Variants in OSBPL8 observed in about 807,000 individuals in gnomAD.
OSBPL8 encodes the protein oxysterol-binding protein-related protein 8.
A neutral mutation model predicts 125.5 loss-of-function variants in OSBPL8; 59 were observed. The ratio of observed to expected loss-of-function variants is 0.47; its 90% CI spans 0.38 to 0.58. The LOEUF is 0.58. OSBPL8 is among the 20% of genes least tolerant of loss of function. The pLI, the probability that OSBPL8 is intolerant of heterozygous loss-of-function variation, is 0.00. For synonymous variants in OSBPL8, 330 were observed against 338.9 expected, an observed-to-expected ratio of 0.97 and a Z score of 0.29; for missense variants, 758 against 1,047.8, an observed-to-expected ratio of 0.72 and a Z score of 3.82.
chr12:76,512,188 T>C (rs906268272), intron 1 of OSBPL8, among the ~76,000 whole-genome samples: 12 of 152,222 alleles, frequency 7.9e-5, no homozygotes, highest in African/African-American at 2.4e-4. Flanking sequence ...CAAGTTCTTA[T>C]CCTTTAACTC....
intron 5 of OSBPL8, 152 bp downstream of exon 5, chr12:76,410,412 A>G (rs1954466128): frequency 1.8e-6 from 1 of 547,282 alleles, no homozygotes; most frequent in Admixed American, 3.3e-5. Flanking sequence ...TATTAGCCCC[A>G]ATGGAACTTC....
At chr12:76,365,772 T>C (rs1299202038) in intron 21 of OSBPL8, among the ~76,000 whole-genome samples, 2 of 152,200 alleles carry the variant, frequency 1.3e-5, no homozygotes, top group Non-Finnish European at 2.9e-5. Context: ...TCTCTTCTCT[T>C]CCTAGATTTA....
chr12:76,469,530 C>T (rs1446149176), intron 2 of OSBPL8, among the ~76,000 whole-genome samples: 2 of 152,176 alleles, frequency 1.3e-5, no homozygotes, highest in African/African-American at 4.8e-5. Context: ...CAACCCCAAA[C>T]GCTTACAGAC....
At chr12:76,543,824 C>T (rs1230151144) in intron 1 of OSBPL8, among the ~76,000 whole-genome samples, 3 of 152,140 alleles carry the variant, frequency 2.0e-5, no homozygotes, top group African/African-American at 7.2e-5. Flanking sequence ...AGAGTATACT[C>T]TGACAGGGTA....
chr12:76,466,711 C>A lies in OSBPL8; in HGVS notation c.43-6816G>T, dbSNP rs557180070. On this transcript the variant is annotated intron_variant, in intron 2 of 23. Transcript: ENST00000261183. ...CGGTGGCTCATGCCTGTAATCCCAG[C>A]ACTTTAGGAGGCCGAAGCGGGTGGA... 2.0e-5 allele frequency among the ~76,000 whole-genome samples: 3 copies of A among 152,218 alleles called. No individual in the cohort carries two copies. The East Asian group carries it at 5.8e-4, about 29-fold the overall frequency.
chr12:76,392,891 T>TC, intron 9 of OSBPL8, 139 bp from the exon 10 acceptor site: 1 of 839,572 alleles, frequency 1.2e-6, no homozygotes. Flanking sequence ...CTTGCTAGAA[T>TC]TTAATGAAAT....
At chr12:76,556,764 T>C (rs1000876762) in intron 1 of OSBPL8, among the ~76,000 whole-genome samples, 1 of 152,134 alleles carries the variant, frequency 6.6e-6, no homozygotes, top group Non-Finnish European at 1.5e-5. Flanking sequence ...CCTGGGTTCA[T>C]GCGATTCTCC....
At chr12:76,359,460 A>G (rs923962991) in intron 21 of OSBPL8, among the ~76,000 whole-genome samples, 7 of 152,228 alleles carry the variant, frequency 4.6e-5, no homozygotes, top group Admixed American at 3.9e-4. Context: ...TTTCCTTAGA[A>G]TAATAACTTT....
intron 17 of OSBPL8, among the ~76,000 whole-genome samples, chr12:76,374,603 T>C (rs1261196367): frequency 6.6e-6 from 1 of 152,138 alleles, no homozygotes; most frequent in Non-Finnish European, 1.5e-5. Context: ...GGAAAGGCCA[T>C]GTATACAGGT....
chr12:76,380,495 G>GT (rs1222329777), intron 15 of OSBPL8, among the ~76,000 whole-genome samples: 2 of 126,046 alleles, frequency 1.6e-5, no homozygotes, highest in Non-Finnish European at 3.2e-5. Context: ...GAGCTCAGGA[G>GT]TTTGAGACCA....
At chr12:76,449,421 G>A (rs532191529) in intron 4 of OSBPL8, among the ~76,000 whole-genome samples, 2 of 152,298 alleles carry the variant, frequency 1.3e-5, no homozygotes, top group East Asian at 3.9e-4. Context: ...GATCTGCAAG[G>A]TGAAAACTAG....
At chr12:76,375,704 C>T (rs1045791352) in intron 16 of OSBPL8, among the ~76,000 whole-genome samples, 2 of 149,528 alleles carry the variant, frequency 1.3e-5, no homozygotes, top group African/African-American at 4.9e-5. Context: ...TGAGGCTGAG[C>T]AAGGCAAACA....
chr12:76,412,567 C>T (rs116486029), intron 4 of OSBPL8, among the ~76,000 whole-genome samples: 1,595 of 152,104 alleles, frequency 0.01, 37 homozygotes, highest in African/African-American at 0.037. Context: ...CATTTATCAG[C>T]AATAATGATA....
chr12:76,539,571 G>A (rs1431518804), intron 1 of OSBPL8, among the ~76,000 whole-genome samples: 1 of 152,118 alleles, frequency 6.6e-6, no homozygotes, highest in Non-Finnish European at 1.5e-5. Flanking sequence ...TTCAATCAAC[G>A]TAATATTAAT....
At chr12:76,498,140 C>T (rs1403424215) in intron 1 of OSBPL8, among the ~76,000 whole-genome samples, 1 of 152,170 alleles carries the variant, frequency 6.6e-6, no homozygotes, top group Non-Finnish European at 1.5e-5. Context: ...CACAGTGGCT[C>T]ACACCTGTAA....
rs1952088266 is a variant in OSBPL8 at position 76,358,775 on chromosome 12, G to T, written c.2365C>A (p.Gln789Lys). 1 of 1,613,886 alleles carries T rather than the reference G, an allele frequency of 6.2e-7. No homozygotes were observed. Among genetic ancestry groups the T allele is most frequent in the African/African-American group, 1.3e-5 (1 of 74,900 alleles). Reference sequence around the variant, plus strand: ...TAGCCTTTTGCTACTTTCTTCTGTTGCCTGGTTGGCTTATGTTTCATTTTG... The same window carrying T: ...TAGCCTTTTGCTACTTTCTTCTGTTTCCTGGTTGGCTTATGTTTCATTTTG... ...VPKMKHKPTR[Q>K]QKKVAKGYSS... Residue 789 changes from glutamine to lysine, a missense_variant, in exon 22 of 24, where the codon CAA (glutamine) becomes AAA (lysine). Physicochemically the swap from Gln to Lys is moderately conservative, Grantham distance 53 (BLOSUM62 1). Around this residue, in one of 3 missense-constraint regions of OSBPL8, gnomAD observed 572 missense variants for 762.0 expected, o/e 0.75. Transcript: ENST00000261183.
In OSBPL8 at chr12:76,354,494, A is replaced by G. The variant is rs1951917893; in HGVS notation, c.*1395T>C. 6.6e-6 allele frequency: 1 copy of G among 151,936 alleles called. No individual in the cohort carries two copies. Among genetic ancestry groups the G allele is most frequent in the East Asian group, 1.9e-4 (1 of 5,192 alleles). 9.4% of individuals were successfully genotyped at this position (151,936 alleles called of 1,614,324 possible). ...TCACAGCCTCCTCCTACTGAAAGGCAAATGTGGTCAGGGCAATTATTCTCT... is the reference window on the plus strand; with the variant it reads ...TCACAGCCTCCTCCTACTGAAAGGCGAATGTGGTCAGGGCAATTATTCTCT... On this transcript the variant is annotated 3_prime_UTR_variant, in exon 24 of 24. Coordinates refer to ENST00000261183, the MANE Select transcript of OSBPL8 (RefSeq NM_020841.5).
At chr12:76,494,391 A>G (rs1226299778) in intron 1 of OSBPL8, among the ~76,000 whole-genome samples, 1 of 152,170 alleles carries the variant, frequency 6.6e-6, no homozygotes, top group African/African-American at 2.4e-5. Flanking sequence ...GTTCTGAGCA[A>G]GGAACAACAT....
At chr12:76,356,172 C>CGGGGG in intron 23 of OSBPL8, 151 bp from the exon 24 acceptor site, 2 of 137,274 alleles carry the variant, frequency 1.5e-5, no homozygotes, top group South Asian at 7.6e-5. Flanking sequence ...TGGGGGGGGG[C>CGGGGG]GGGGTCTGGG....
Sources: gnomAD v4.1 joint callset for allele counts (sites outside exome capture counted in the v4.1 genomes callset) on GRCh38, gnomAD v4.1.1 for gene constraint, gnomAD v4.1.1 regional missense constraint, MANE v1.5 for transcripts, NCBI Gene and HGNC (gene_info 2026-07-23, HGNC 2026-07-21) for gene names.